The following ATP9A variants were observed in gnomAD, a reference collection of about 807,000 sequenced individuals.
The protein encoded by ATP9A is probable phospholipid-transporting ATPase IIA.
Under a neutral mutation model 144.1 loss-of-function variants are expected in ATP9A, and 52 were observed. That is an observed-to-expected ratio of 0.36 (90% CI 0.29 to 0.45). The LOEUF (loss-of-function observed/expected upper bound fraction) is 0.45. Ranked by LOEUF, ATP9A falls within the 20% of genes least tolerant of loss-of-function variation. The pLI, the probability that ATP9A is intolerant of heterozygous loss-of-function variation, is 1.00. For missense variants in ATP9A, 947 were observed against 1,392.7 expected (o/e 0.68, Z 5.09); for synonymous variants, 582 against 557.4 (o/e 1.04, Z -0.62).
chr20:51,695,762 TCTA>T (rs1014886734), intron 6 of ATP9A, among the ~76,000 whole-genome samples: 3 of 152,330 alleles, frequency 2.0e-5, no homozygotes, highest in African/African-American at 7.2e-5. Context: ...TCTGTTTACT[TCTA>T]CATGGTAGAG....
intron 1 of ATP9A, among the ~76,000 whole-genome samples, chr20:51,744,345 T>A (rs2077798440): frequency 6.6e-6 from 1 of 152,104 alleles, no homozygotes. Context: ...TTTGTATTTT[T>A]AGTAGAGATG....
At chr20:51,678,234 C>G (rs2077485446) in intron 9 of ATP9A, among the ~76,000 whole-genome samples, 1 of 152,074 alleles carries the variant, frequency 6.6e-6, no homozygotes, top group Non-Finnish European at 1.5e-5. Context: ...CTGCCAAGCT[C>G]TCAGGGAAGA....
chr20:51,722,186 T>C (rs1006256884), intron 3 of ATP9A, among the ~76,000 whole-genome samples: 5 of 152,114 alleles, frequency 3.3e-5, no homozygotes, highest in African/African-American at 1.2e-4. Context: ...ATACAAAAAA[T>C]CAACTCAAGA....
intron 16 of ATP9A, 64 bp from the exon 17 acceptor site, chr20:51,627,747 A>C (rs2122731922): frequency 7.3e-7 from 1 of 1,363,324 alleles, no homozygotes; most frequent in Admixed American, 1.7e-5. Flanking sequence ...CTGGGGAAGG[A>C]CCAGTGCCCA....
At chr20:51,666,944 G>A (rs2077435438) in intron 13 of ATP9A, among the ~76,000 whole-genome samples, 1 of 152,180 alleles carries the variant, frequency 6.6e-6, no homozygotes, top group Non-Finnish European at 1.5e-5. Flanking sequence ...CACACACGTG[G>A]TCCTGTGCTT....
intron 3 of ATP9A, among the ~76,000 whole-genome samples, chr20:51,719,749 G>T (rs945795202): frequency 5.4e-5 from 7 of 128,614 alleles, no homozygotes; most frequent in Admixed American, 4.6e-4. Context: ...AAAAAAAGGG[G>T]GGGGAAGAAG....
rs765791447 is a variant in ATP9A, at chr20:51,748,948, T to TAGATAGATAGATAGACAGACAGAC, written c.69-18971_69-18970insGTCTGTCTGTCTATCTATCTATCT. ...ATAGATAGATAGATAGATAGATAGA[T>TAGATAGATAGATAGACAGACAGAC]AGACAGACAGACAGACAGACAGACA... On this transcript the variant is annotated intron_variant, in intron 1 of 27. Coordinates refer to ENST00000338821, the MANE Select transcript of ATP9A (RefSeq NM_006045.3). Among the ~76,000 whole-genome samples, 1,026 of 137,854 alleles carry TAGATAGATAGATAGACAGACAGAC rather than the reference T, an allele frequency of 7.4e-3. 5 individuals are homozygous for TAGATAGATAGATAGACAGACAGAC. Among genetic ancestry groups the TAGATAGATAGATAGACAGACAGAC allele is most frequent in the Non-Finnish European group, 0.011 (725 of 64,926 alleles). 90.4% of individuals were successfully genotyped at this position (137,854 alleles called of 152,430 possible).
chr20:51,644,267 C>CT (rs772071945), intron 14 of ATP9A, among the ~76,000 whole-genome samples: 24,671 of 75,010 alleles, frequency 0.33, 4,468 homozygotes, highest in Non-Finnish European at 0.38. Flanking sequence ...TTACTTCTAG[C>CT]TTTTTTTTTT....
At chr20:51,761,577 C>T (rs1035807617) in intron 1 of ATP9A, among the ~76,000 whole-genome samples, 5 of 151,964 alleles carry the variant, frequency 3.3e-5, no homozygotes, top group African/African-American at 7.3e-5. Flanking sequence ...CTGGCTAACA[C>T]GGTGAAACCC....
chr20:51,718,911 C>T (rs1259641260), intron 3 of ATP9A, among the ~76,000 whole-genome samples: 11 of 145,638 alleles, frequency 7.6e-5, no homozygotes, highest in Admixed American at 3.5e-4. Flanking sequence ...AGGTGGATCA[C>T]GAGGTCAGGA....
At chr20:51,759,676 A>G (rs1801087988) in intron 1 of ATP9A, among the ~76,000 whole-genome samples, 1 of 152,008 alleles carries the variant, frequency 6.6e-6, no homozygotes, top group Non-Finnish European at 1.5e-5. Context: ...TCTGTCACAA[A>G]AATAATAATA....
chr20:51,703,319 A>C (rs1169525127), intron 4 of ATP9A, among the ~76,000 whole-genome samples: 1 of 152,192 alleles, frequency 6.6e-6, no homozygotes. Context: ...AGAACTCTGA[A>C]CTTTTCCTGT....
intron 14 of ATP9A, 127 bp downstream of exon 14, chr20:51,656,811 C>T: frequency 1.3e-6 from 1 of 797,854 alleles, no homozygotes; most frequent in Non-Finnish European, 2.0e-6. Flanking sequence ...AATGTGTTTC[C>T]CAGCAGCCCT....
chr20:51,750,201 G>A (rs1036535052), intron 1 of ATP9A, among the ~76,000 whole-genome samples: 1 of 152,220 alleles, frequency 6.6e-6, no homozygotes, highest in South Asian at 2.1e-4. Flanking sequence ...TCACCCCGCT[G>A]CCCAAACAGC....
intron 3 of ATP9A, 116 bp downstream of exon 3, chr20:51,725,703 G>A: frequency 1.4e-6 from 1 of 717,478 alleles, no homozygotes; most frequent in Non-Finnish European, 2.5e-6. Context: ...TGGCCTAAGG[G>A]CATCCTTTCC....
At chr20:51,751,045 G>A (rs1012823234) in intron 1 of ATP9A, among the ~76,000 whole-genome samples, 21 of 152,138 alleles carry the variant, frequency 1.4e-4, no homozygotes, top group African/African-American at 4.6e-4. Context: ...CATGGGTCAC[G>A]CGGATAAAGA....
chr20:51,601,084 TC>T lies in ATP9A; in HGVS notation c.*126del. On this transcript the variant is annotated 3_prime_UTR_variant, in exon 28 of 28. Coordinates refer to ENST00000338821, the MANE Select transcript of ATP9A (RefSeq NM_006045.3). The stretch of plus-strand genomic sequence containing the variant: ...GACTCCGTTTAGGCGCAGAGCCACT[TC>T]CCATTAAAACTGCATGTGTTAGCAA... 8.2e-7 allele frequency: 1 copy of T among 1,215,234 alleles called. No homozygotes were observed. Among genetic ancestry groups the T allele is most frequent in the Admixed American group, 2.9e-5 (1 of 34,608 alleles). 75.3% of individuals were successfully genotyped at this position (1,215,234 alleles called of 1,614,324 possible). A position where few individuals can be genotyped will look rare whatever the true frequency, so the allele number is the denominator to read the frequency against.
intron 13 of ATP9A, among the ~76,000 whole-genome samples, chr20:51,661,521 C>A (rs1388014609): frequency 7.5e-6 from 1 of 133,254 alleles, no homozygotes; most frequent in East Asian, 2.4e-4. Context: ...CACCACCATG[C>A]CCAGCTTTTT....
chr20:51,680,508 G>A (rs2077495713), intron 9 of ATP9A, among the ~76,000 whole-genome samples: 1 of 151,948 alleles, frequency 6.6e-6, no homozygotes, highest in South Asian at 2.1e-4. Flanking sequence ...CTTCACTCTT[G>A]TGCTGCCTCA....
Sources: allele counts gnomAD v4.1 joint callset (sites outside exome capture counted in the v4.1 genomes callset), GRCh38; gene constraint gnomAD v4.1.1; transcripts MANE v1.5; gene names NCBI Gene and HGNC (gene_info 2026-07-23, HGNC 2026-07-21).